Variants in FGF13 observed in about 807,000 individuals in gnomAD.
FGF13 encodes the protein fibroblast growth factor 13.
FGF13 carries 2 observed loss-of-function variants against 19.5 expected under a neutral mutation model. The observed-to-expected ratio is 0.10, with a 90% CI of 0.04 to 0.32. FGF13 has a LOEUF of 0.32. Ranked by LOEUF, FGF13 falls within the 10% of genes least tolerant of loss-of-function variation. The probability of loss-of-function intolerance (pLI) is 1.00; values close to 1 mark genes in which losing one functional copy is unlikely to be tolerated. For synonymous variants in FGF13, 72 were observed against 76.9 expected (o/e 0.94, Z 0.33); for missense variants, 113 against 192.7 (o/e 0.59, Z 2.45).
intron 1 of FGF13, among the ~76,000 whole-genome samples, chrX:138,910,660 T>C (rs777431650): frequency 6.2e-5 from 7 of 112,457 alleles, no homozygotes; most frequent in Admixed American, 1.9e-4. Flanking sequence ...ACTTTGGCTC[T>C]ATGGAAACCC....
chrX:138,983,121 T>C (rs1411365798), intron 1 of FGF13, among the ~76,000 whole-genome samples: 3 of 110,500 alleles, frequency 2.7e-5, no homozygotes, highest in African/African-American at 6.6e-5. Flanking sequence ...TTCGATGCAA[T>C]CCCACTTGTT....
At chrX:138,946,572 T>A in intron 1 of FGF13, among the ~76,000 whole-genome samples, 1 of 112,001 alleles carries the variant, frequency 8.9e-6, no homozygotes, top group Non-Finnish European at 1.9e-5. Context: ...AAAGTGGATA[T>A]AACAATCCCT....
intron 1 of FGF13, among the ~76,000 whole-genome samples, chrX:139,005,517 G>C (rs1021153087): frequency 2.7e-5 from 3 of 109,956 alleles, no homozygotes; most frequent in Non-Finnish European, 3.8e-5. Flanking sequence ...CCAACACCCA[G>C]ATCAGATACA....
At chrX:138,920,526 G>A (rs2091639642) in intron 1 of FGF13, among the ~76,000 whole-genome samples, 1 of 111,410 alleles carries the variant, frequency 9.0e-6, no homozygotes, top group Non-Finnish European at 1.9e-5. Flanking sequence ...ACCTATGGAG[G>A]CTTTTTCTTA....
chrX:138,978,266 G>GTTTTTTTTTTTTTTGTTTTTTT (rs761673065), intron 1 of FGF13, among the ~76,000 whole-genome samples: 1 of 82,917 alleles, frequency 1.2e-5, no homozygotes, highest in African/African-American at 4.9e-5. Flanking sequence ...AGCTGCCCTG[G>GTTTTTTTTTTTTTTGTTTTTTT]TTTTTTTTTT....
At chrX:139,055,494 A>G (rs912898913) in intron 1 of FGF13, among the ~76,000 whole-genome samples, 8 of 112,211 alleles carry the variant, frequency 7.1e-5, no homozygotes, top group African/African-American at 2.6e-4. Flanking sequence ...TGGAGTGGAG[A>G]GTTTGCTCAA....
At position 138,832,578 on chromosome X, in the gene FGF13, T is replaced by C. The variant is rs913836485; in HGVS notation, c.217+24934A>G. ...TGGATGTCGACCTTTGTCAGATGCA[T>C]GTCTTGCCAAAATTGTCTCCCATTC... On this transcript the variant is annotated intron_variant, in intron 3 of 6. Coordinates refer to the FGF13 transcript ENST00000436198. 5.3e-5 allele frequency among the ~76,000 whole-genome samples: 6 copies of C among 112,296 alleles called. No homozygotes were observed. In the Admixed American group the frequency reaches 5.7e-4, roughly 11 times the overall value.
chrX:138,671,861 G>T (rs2089616859), intron 3 of FGF13, among the ~76,000 whole-genome samples: 1 of 110,109 alleles, frequency 9.1e-6, no homozygotes, highest in African/African-American at 3.3e-5. Context: ...TGGGAGATAG[G>T]AAATTATGGT....
intron 3 of FGF13, among the ~76,000 whole-genome samples, chrX:138,773,043 A>AT (rs1419171953): frequency 4.5e-5 from 5 of 110,089 alleles, no homozygotes; most frequent in African/African-American, 1.6e-4. Context: ...AGTAAAAAAA[A>AT]AAAAATAAAA....
At chrX:139,125,599 G>A (rs1265102211) in intron 1 of FGF13, among the ~76,000 whole-genome samples, 2 of 111,459 alleles carry the variant, frequency 1.8e-5, no homozygotes, top group Non-Finnish European at 3.8e-5. Flanking sequence ...TCTGATACCA[G>A]TTATATTAAA....
chrX:138,843,307 G>T lies in FGF13; in HGVS notation c.217+14205C>A, dbSNP rs1236639640. Among the ~76,000 whole-genome samples the T allele has an allele frequency of 2.7e-5, 3 of 112,191 alleles. No individual in the cohort carries two copies. In the East Asian group the frequency reaches 8.5e-4, roughly 32 times the overall value. The stretch of plus-strand genomic sequence containing the variant: ...TAGGTTACCACATAGGTGAGAAAAG[G>T]ATGACAGGATATCAAAGGGGTTCAC... On this transcript the variant is annotated intron_variant, in intron 3 of 6. Coordinates refer to the FGF13 transcript ENST00000436198.
intron 1 of FGF13, among the ~76,000 whole-genome samples, chrX:139,061,127 A>C (rs2092334813): frequency 8.9e-6 from 1 of 111,854 alleles, no homozygotes; most frequent in Non-Finnish European, 1.9e-5. Flanking sequence ...TTGACTCTCC[A>C]ACAGGCTCTG....
intron 3 of FGF13, among the ~76,000 whole-genome samples, chrX:138,768,775 T>A (rs1318754137): frequency 9.6e-6 from 1 of 104,203 alleles, no homozygotes; most frequent in Non-Finnish European, 1.9e-5. Flanking sequence ...GTGGCCAGTC[T>A]CTGGGCCAAC....
At chrX:138,888,580 A>G (rs759584572) in intron 1 of FGF13, among the ~76,000 whole-genome samples, 36 of 110,088 alleles carry the variant, frequency 3.3e-4, no homozygotes, top group Middle Eastern at 4.7e-3. Context: ...TGGCTTATCA[A>G]GGGTGGCGGG....
Position 139,044,342 on chromosome X carries a change from T to C in FGF13, c.-113+159074A>G, listed in dbSNP as rs1326881853. On this transcript the variant is annotated intron_variant, in intron 1 of 2. Coordinates refer to the FGF13 transcript ENST00000421460. The stretch of plus-strand genomic sequence containing the variant: ...CCAAAGTGGAAGCAGGCACATCACA[T>C]GGCAAAAGCAGGAGCAAGGAAGAGA... 2.7e-5 allele frequency among the ~76,000 whole-genome samples: 3 copies of C among 111,110 alleles called. No homozygotes were observed. The Admixed American group carries it at 2.9e-4, about 11-fold the overall frequency.
chrX:138,931,882 T>C lies in FGF13; in HGVS notation c.-112-67232A>G, dbSNP rs1281841976. ...AGATAAAAACAAATAAGTATATAAA[T>C]AAGAAAAAATGACCAAAACTCAGTT... On this transcript the variant is annotated intron_variant, in intron 1 of 2. Coordinates refer to the FGF13 transcript ENST00000421460. Among the ~76,000 whole-genome samples the C allele has an allele frequency of 5.4e-5, 6 of 111,428 alleles. No individual in the cohort carries two copies. The East Asian group carries it at 1.4e-3, about 26-fold the overall frequency.
chrX:139,003,278 C>T lies in FGF13; in HGVS notation c.-112-138628G>A, dbSNP rs183046108. Among the ~76,000 whole-genome samples the T allele has an allele frequency of 5.7e-3, 619 of 109,214 alleles. 5 individuals carry two copies. The highest frequency in any genetic ancestry group is 0.02 in the African/African-American group (585 of 29,808). The allele number at this position is 109,214 out of a possible 115,157, so 94.8% of individuals were successfully genotyped here. ...TTAAGGCAGCGCGTCTGGAGTTGTT[C>T]GTTCCTCCCGGTGGGCTTGTGGTCT... On this transcript the variant is annotated intron_variant, in intron 1 of 2. Coordinates refer to the FGF13 transcript ENST00000421460.
chrX:138,638,668 T>A (rs961287795), intron 3 of FGF13, among the ~76,000 whole-genome samples: 11 of 111,961 alleles, frequency 9.8e-5, no homozygotes. Context: ...TTTCAGAGAT[T>A]CAGATTTAAA....
chrX:138,986,464 C>T (rs902155727), intron 1 of FGF13, among the ~76,000 whole-genome samples: 2 of 112,350 alleles, frequency 1.8e-5, no homozygotes, highest in African/African-American at 3.2e-5. Flanking sequence ...TCTTCCACTA[C>T]ACTATGCACT....
Sources: allele counts gnomAD v4.1 joint callset (sites outside exome capture counted in the v4.1 genomes callset), GRCh38; gene constraint gnomAD v4.1.1; transcripts MANE v1.5; gene names NCBI Gene and HGNC (gene_info 2026-07-23, HGNC 2026-07-21).